The following SAMMSON variants were observed in gnomAD, a reference collection of about 807,000 sequenced individuals.
SAMMSON encodes survival associated mitochondrial melanoma specific oncogenic non-coding RNA, also known as long intergenic non-protein coding RNA 1212.
intron 6 of SAMMSON, among the ~76,000 whole-genome samples, chr3:70,255,383 T>C (rs1018409744): frequency 5.9e-5 from 9 of 152,194 alleles, no homozygotes; most frequent in African/African-American, 1.7e-4. Context: ...TGGTTCATAA[T>C]AAGTAGATAT....
In SAMMSON at chr3:70,346,465, TC is replaced by T. The variant is rs1163716534; in HGVS notation, n.740-7709del. Among the ~76,000 whole-genome samples the T allele has an allele frequency of 2.1e-4, 32 of 152,086 alleles. 1 individual carries two copies. Among genetic ancestry groups the T allele is most frequent in the Admixed American group, 2.1e-3 (32 of 15,286 alleles). On this transcript the variant is annotated intron_variant and non_coding_transcript_variant, in intron 7 of 9. Transcript: ENST00000642114. The stretch of plus-strand genomic sequence containing the variant: ...ACATTTTGATTAATTGTGGTTAAGG[TC>T]TGGGTTTAGGTTTACTTATTTGCAT...
chr3:70,077,086 G>T (rs939010553), intron 4 of SAMMSON, among the ~76,000 whole-genome samples: 1 of 152,084 alleles, frequency 6.6e-6, no homozygotes, highest in Non-Finnish European at 1.5e-5. Flanking sequence ...TCTGTGACTG[G>T]CTCGCCTTTG....
intron 2 of SAMMSON, chr3:70,012,743 A>G (rs187948822): frequency 1.3e-5 from 2 of 152,294 alleles, no homozygotes; most frequent in East Asian, 3.9e-4. Flanking sequence ...GAAGACATGA[A>G]TTGGGCCAGA....
At chr3:70,320,528 T>C (rs1413939110) in intron 7 of SAMMSON, among the ~76,000 whole-genome samples, 1 of 152,080 alleles carries the variant, frequency 6.6e-6, no homozygotes, top group Non-Finnish European at 1.5e-5. Context: ...AGCCTTACTC[T>C]ATACTTTCAT....
chr3:70,273,685 C>T (rs1420329077), intron 6 of SAMMSON, among the ~76,000 whole-genome samples: 8 of 152,214 alleles, frequency 5.3e-5, no homozygotes, highest in African/African-American at 1.7e-4. Context: ...GCTGCCATTA[C>T]TCAGGCCTGT....
At chr3:70,291,912 C>G (rs956517953) in intron 7 of SAMMSON, 2 of 152,200 alleles carry the variant, frequency 1.3e-5, no homozygotes, top group Non-Finnish European at 2.9e-5. Flanking sequence ...TCTTTCGCCT[C>G]TTACTTAAAT....
intron 9 of SAMMSON, among the ~76,000 whole-genome samples, chr3:70,366,430 T>C (rs1224758241): frequency 1.3e-5 from 2 of 151,472 alleles, no homozygotes; most frequent in Admixed American, 1.3e-4. Context: ...ATTAAACTTA[T>C]TAACGTATAT....
At chr3:70,122,134 A>G (rs1576127423) in intron 4 of SAMMSON, among the ~76,000 whole-genome samples, 2 of 152,348 alleles carry the variant, frequency 1.3e-5, no homozygotes, top group Middle Eastern at 6.8e-3. Flanking sequence ...TATTTTCACT[A>G]ATACTATGCA....
At chr3:70,262,970 C>T (rs919652608) in intron 6 of SAMMSON, among the ~76,000 whole-genome samples, 1 of 152,078 alleles carries the variant, frequency 6.6e-6, no homozygotes, top group African/African-American at 2.4e-5. Flanking sequence ...ATTGTCTAAC[C>T]TGCTGTTAAT....
intron 4 of SAMMSON, among the ~76,000 whole-genome samples, chr3:70,087,175 C>T (rs574286835): frequency 1.2e-4 from 18 of 152,240 alleles, no homozygotes; most frequent in Admixed American, 3.3e-4. Flanking sequence ...CTGAAATATT[C>T]ATAGTGGCCA....
At chr3:70,363,831 TGACAGAGA>T (rs1559573083) in intron 9 of SAMMSON, among the ~76,000 whole-genome samples, 1 of 142,420 alleles carries the variant, frequency 7.0e-6, no homozygotes, top group Non-Finnish European at 1.6e-5. Flanking sequence ...TGTGTGTGCA[TGACAGAGA>T]GAGAGTGTGA....
At position 70,383,347 on chromosome 3, in the gene SAMMSON, TA is replaced by T. The variant is rs3081020; in HGVS notation, n.914-6215del. ...CAATTGTTTTCCCTTAAAATAAAAA[TA>T]AAAAAAAAAAACAACCTTATGGTCC... On this transcript the variant is annotated intron_variant and non_coding_transcript_variant, in intron 9 of 9. Transcript: ENST00000642114. Among the ~76,000 whole-genome samples, 675 of 144,634 alleles carry T rather than the reference TA, an allele frequency of 4.7e-3. 2 individuals carry two copies. Among genetic ancestry groups the T allele is most frequent in the African/African-American group, 8.1e-3 (323 of 39,634 alleles). The allele number at this position is 144,634 out of a possible 152,430, so 94.9% of individuals were successfully genotyped here. A position where few individuals can be genotyped will look rare whatever the true frequency, so the allele number is the denominator to read the frequency against.
chr3:70,154,973 AT>A (rs997428590), intron 4 of SAMMSON, among the ~76,000 whole-genome samples: 94 of 152,052 alleles, frequency 6.2e-4, no homozygotes, highest in African/African-American at 2.2e-3. Flanking sequence ...AAAGGAAAAT[AT>A]GAGAGGTATG....
chr3:70,208,602 G>A lies in SAMMSON; in HGVS notation n.508-40505G>A, dbSNP rs942044478. Among the ~76,000 whole-genome samples, 7 of 151,988 alleles carry A rather than the reference G, an allele frequency of 4.6e-5. No homozygotes were observed. The East Asian group carries it at 9.7e-4, about 21-fold the overall frequency. On this transcript the variant is annotated intron_variant and non_coding_transcript_variant, in intron 4 of 9. Transcript: ENST00000642114. ...TTTTTGAAGCTCCTCAGGTGATTCC[G>A]ACATGTAGACAAGTTTGGGAACCAC...
At chr3:70,244,062 A>T (rs1384143148) in intron 4 of SAMMSON, among the ~76,000 whole-genome samples, 3 of 152,112 alleles carry the variant, frequency 2.0e-5, no homozygotes, top group African/African-American at 7.2e-5. Context: ...CAGATTTTCC[A>T]CCGTAACTAC....
At chr3:70,424,125 C>T (rs1701334961) in intron 2 of SAMMSON, among the ~76,000 whole-genome samples, 1 of 152,138 alleles carries the variant, frequency 6.6e-6, no homozygotes, top group African/African-American at 2.4e-5. Context: ...ATATTCAAAA[C>T]TCTATGTACA....
At chr3:70,386,809 T>C (rs968600263) in intron 9 of SAMMSON, among the ~76,000 whole-genome samples, 1 of 152,028 alleles carries the variant, frequency 6.6e-6, no homozygotes, top group Non-Finnish European at 1.5e-5. Context: ...TGGAAGAAAA[T>C]GTCCAAACGA....
intron 4 of SAMMSON, among the ~76,000 whole-genome samples, chr3:70,220,928 G>C: frequency 6.6e-6 from 1 of 152,258 alleles, no homozygotes. Flanking sequence ...AGGGCTTGGC[G>C]TAAAGGGTGA....
intron 1 of SAMMSON, among the ~76,000 whole-genome samples, chr3:70,002,071 C>G (rs1277095832): frequency 1.3e-5 from 2 of 152,124 alleles, no homozygotes; most frequent in Non-Finnish European, 2.9e-5. Context: ...CATGAGTCTT[C>G]TTTATATGGA....
Sources: allele counts gnomAD v4.1 joint callset (sites outside exome capture counted in the v4.1 genomes callset), GRCh38; gene constraint gnomAD v4.1.1; transcripts MANE v1.5; gene names NCBI Gene and HGNC (gene_info 2026-07-23, HGNC 2026-07-21).